SPMIP2: variants seen among roughly 807,000 people sequenced by gnomAD.
The protein encoded by SPMIP2 is protein SPMIP2.
At chr4:158,935,598 G>A in the SPMIP2 span, among the ~76,000 whole-genome samples, 1 of 152,238 alleles carries the variant, frequency 6.6e-6, no homozygotes, top group Non-Finnish European at 1.5e-5. Context: ...GACGGAAATT[G>A]TGACTGCACA....
At chr4:159,004,961 G>A in the SPMIP2 span, among the ~76,000 whole-genome samples, 2 of 151,782 alleles carry the variant, frequency 1.3e-5, no homozygotes, top group East Asian at 1.9e-4. Context: ...GGCCAGACAC[G>A]GTGGCTCACA....
chr4:158,967,130 T>C, the SPMIP2 span, among the ~76,000 whole-genome samples: 2 of 152,194 alleles, frequency 1.3e-5, no homozygotes, highest in South Asian at 2.1e-4. Flanking sequence ...TAAAATTTAT[T>C]TTCTGGAAAT....
At chr4:159,062,725 G>T in the SPMIP2 span, among the ~76,000 whole-genome samples, 1 of 41,938 alleles carries the variant, frequency 2.4e-5, no homozygotes, top group Non-Finnish European at 5.8e-5. Flanking sequence ...CTCTCTCTCT[G>T]TCACCCAGGC....
At chr4:159,064,358 T>C in the SPMIP2 span, 1 of 152,210 alleles carries the variant, frequency 6.6e-6, no homozygotes, top group Non-Finnish European at 1.5e-5. Flanking sequence ...AGTTTGACTA[T>C]GAACAATCAG....
At chr4:159,082,163 CAAA>C in the SPMIP2 span, among the ~76,000 whole-genome samples, 18 of 102,622 alleles carry the variant, frequency 1.8e-4, no homozygotes, top group Admixed American at 5.4e-4. Context: ...GCTAAGAATG[CAAA>C]AAAAAAAAAA....
the SPMIP2 span, among the ~76,000 whole-genome samples, chr4:158,945,069 G>A: frequency 6.7e-6 from 1 of 149,108 alleles, no homozygotes; most frequent in Admixed American, 6.6e-5. Flanking sequence ...ATCGGTCTCT[G>A]TACTGTTCAT....
chr4:158,931,020 T>C, the SPMIP2 span, among the ~76,000 whole-genome samples: 1 of 152,234 alleles, frequency 6.6e-6, no homozygotes, highest in Non-Finnish European at 1.5e-5. Flanking sequence ...CCCTTGTCTC[T>C]CTCATTTACT....
the SPMIP2 span, among the ~76,000 whole-genome samples, chr4:159,068,353 C>T: frequency 1.3e-5 from 2 of 152,190 alleles, no homozygotes; most frequent in African/African-American, 4.8e-5. Flanking sequence ...AGTTCATGTC[C>T]TTTGTGGGGT....
chr4:159,031,397 G>A, the SPMIP2 span, among the ~76,000 whole-genome samples: 16 of 152,160 alleles, frequency 1.1e-4, no homozygotes, highest in African/African-American at 3.6e-4. Context: ...AATTCGGAAC[G>A]TTGGACATTT....
the SPMIP2 span, among the ~76,000 whole-genome samples, chr4:159,066,589 T>TTATATATATATATATATATATATA: frequency 2.1e-4 from 16 of 76,588 alleles, no homozygotes; most frequent in Admixed American, 4.5e-4. Flanking sequence ...TGTGTGTATT[T>TTATATATATATATATATATATATA]TATATATATA....
the SPMIP2 span, among the ~76,000 whole-genome samples, chr4:159,027,747 C>T: frequency 6.6e-6 from 1 of 152,150 alleles, no homozygotes; most frequent in Non-Finnish European, 1.5e-5. Flanking sequence ...ATGACAGTTT[C>T]ACAGAGCAAA....
the SPMIP2 span, among the ~76,000 whole-genome samples, chr4:159,046,998 G>A: frequency 6.6e-6 from 1 of 152,210 alleles, no homozygotes; most frequent in African/African-American, 2.4e-5. Context: ...TGGACAGAGA[G>A]TTGGAAGTTA....
chr4:158,993,885 C>T, the SPMIP2 span, among the ~76,000 whole-genome samples: 2 of 152,190 alleles, frequency 1.3e-5, no homozygotes, highest in Non-Finnish European at 2.9e-5. Context: ...ATAATTTTCT[C>T]CAGCACTTGG....
the SPMIP2 span, among the ~76,000 whole-genome samples, chr4:158,913,779 A>T: frequency 1.3e-5 from 2 of 151,638 alleles, no homozygotes; most frequent in Non-Finnish European, 2.9e-5. Flanking sequence ...GCTGCGGTGC[A>T]CTATGGTTGT....
the SPMIP2 span, among the ~76,000 whole-genome samples, chr4:158,928,842 G>A: frequency 1.3e-5 from 2 of 151,624 alleles, no homozygotes. Flanking sequence ...AACACCAGAC[G>A]TGCTGCTTTA....
At chr4:158,917,729 T>C in the SPMIP2 span, among the ~76,000 whole-genome samples, 1 of 138,634 alleles carries the variant, frequency 7.2e-6, no homozygotes, top group African/African-American at 2.7e-5. Flanking sequence ...ACTTTTTTTT[T>C]TTTTTTTTTT....
the SPMIP2 span, among the ~76,000 whole-genome samples, chr4:158,911,380 AAATAAAAT>A: frequency 7.4e-6 from 1 of 135,392 alleles, no homozygotes; most frequent in African/African-American, 3.4e-5. Flanking sequence ...ATAAATAAAT[AAATAAAAT>A]AAATAAAAGC....
At chr4:158,946,251 T>C in the SPMIP2 span, among the ~76,000 whole-genome samples, 1 of 152,264 alleles carries the variant, frequency 6.6e-6, no homozygotes, top group African/African-American at 2.4e-5. Context: ...TACAGTCTCT[T>C]GAGCTAGCTT....
At chr4:159,068,165 T>C in the SPMIP2 span, among the ~76,000 whole-genome samples, 1 of 152,176 alleles carries the variant, frequency 6.6e-6, no homozygotes, top group African/African-American at 2.4e-5. Context: ...ACTGGGTATA[T>C]ACCCAAAGGA....
Sources: allele counts gnomAD v4.1 joint callset (sites outside exome capture counted in the v4.1 genomes callset), GRCh38; gene constraint gnomAD v4.1.1; transcripts MANE v1.5; gene names NCBI Gene and HGNC (gene_info 2026-07-23, HGNC 2026-07-21).